The following TTC34 variants were observed in gnomAD, a reference collection of about 807,000 sequenced individuals.
The protein encoded by TTC34 is tetratricopeptide repeat domain 34.
A neutral mutation model predicts 40.7 loss-of-function variants in TTC34; 44 were observed. The observed-to-expected ratio is 1.08, with a 90% CI of 0.85 to 1.39. The LOEUF (loss-of-function observed/expected upper bound fraction) is 1.39, where lower values mean the gene tolerates loss of function less well. Ranked by LOEUF, TTC34 falls within the 40% of genes most tolerant of loss-of-function variation. The pLI, the probability that TTC34 is intolerant of heterozygous loss-of-function variation, is 0.00. For synonymous variants in TTC34, 422 were observed against 398.6 expected (o/e 1.06, Z -0.70); for missense variants, 884 against 838.0 (o/e 1.05, Z -0.68).
At chr1:2,789,910 C>T in exon 3 of TTC34, 1 of 396,844 alleles carries the variant, frequency 2.5e-6, no homozygotes, top group Admixed American at 4.4e-5. Flanking sequence ...CACGGTCCCC[C>T]GCAGGGTCCT....
chr1:2,656,342 G>T lies in TTC34; in HGVS notation c.2227-10779C>A, dbSNP rs1447615080. ...CATGCAACAGCACTCACACCCCCAG[G>T]TGAGCATCTGACAGCCTGGAACAGC... On this transcript the variant is annotated intron_variant, in intron 6 of 8. Coordinates refer to ENST00000401095, the Ensembl canonical transcript of TTC34. Among the ~76,000 whole-genome samples, 17 of 143,196 alleles carry T rather than the reference G, an allele frequency of 1.2e-4. No individual in the cohort carries two copies. In the South Asian group the frequency reaches 2.8e-3, roughly 23 times the overall value. 93.9% of individuals were successfully genotyped at this position (143,196 alleles called of 152,430 possible). A position where few individuals can be genotyped will look rare whatever the true frequency, so the allele number is the denominator to read the frequency against.
At chr1:2,799,043 CAGCCTCCCAGCCTCTCAGCCTCCA>C (rs1466344620) in intron 2 of TTC34, among the ~76,000 whole-genome samples, 2 of 150,098 alleles carry the variant, frequency 1.3e-5, no homozygotes, top group African/African-American at 2.5e-5. Context: ...CCTAGCCTCC[CAGCCTCCCAGCCTCTCAGCCTCCA>C]AGCCTCCCAG....
At chr1:2,685,828 G>T (rs28555663) in intron 6 of TTC34, among the ~76,000 whole-genome samples, 45,131 of 117,546 alleles carry the variant, frequency 0.38, 5,449 homozygotes, top group Middle Eastern at 0.55. Flanking sequence ...AGACTGGAAC[G>T]GCACCCCCAT....
rs543608310 is a variant in TTC34 at position 2,686,544 on chromosome 1, C to G, written c.2227-40981G>C. ...CACCCCCAGGGGAGCATCTGACAGC[C>G]TGGAACAGCACGCACACACCCAGGT... On this transcript the variant is annotated intron_variant, in intron 6 of 8. Transcript: ENST00000401095. 5.6e-4 allele frequency among the ~76,000 whole-genome samples: 42 copies of G among 75,530 alleles called. 3 individuals are homozygous for G. Among genetic ancestry groups the G allele is most frequent in the African/African-American group, 2.2e-3 (40 of 18,000 alleles). The allele number at this position is 75,530 out of a possible 152,430, so 49.6% of individuals were successfully genotyped here.
rs769709808 is a variant in TTC34 at position 2,641,432 on chromosome 1, C to T, written c.3176G>A (p.Arg1059His). ...TCTGGCCTTCAGTCTCTTCAGGCCA[C>T]GGTGGTCGGGGTCCACCAGGAGGCC... The change falls in exon 9 of 9, where the codon CGT (arginine) becomes CAT (histidine). Residue 1059 changes from arginine to histidine, a missense_variant. Coordinates refer to ENST00000401095, the Ensembl canonical transcript of TTC34. 641 of 1,534,972 alleles carry T rather than the reference C, an allele frequency of 4.2e-4. No homozygotes were observed. Among genetic ancestry groups the T allele is most frequent in the Non-Finnish European group, 5.0e-4 (573 of 1,146,302 alleles).
intron 6 of TTC34, among the ~76,000 whole-genome samples, chr1:2,749,037 C>G (rs1324203063): frequency 1.7e-3 from 72 of 41,256 alleles, no homozygotes; most frequent in Admixed American, 2.8e-3. Flanking sequence ...GAACAGCACC[C>G]ACACCCCCAG....
At chr1:2,799,424 T>A (rs751538487) in intron 2 of TTC34, among the ~76,000 whole-genome samples, 8 of 152,068 alleles carry the variant, frequency 5.3e-5, no homozygotes, top group Admixed American at 6.5e-5. Flanking sequence ...GTGCCTGTAA[T>A]CCCAGTTACT....
intron 6 of TTC34, 59 bp downstream of exon 6, chr1:2,783,550 C>A (rs1569954786): frequency 2.3e-6 from 3 of 1,309,736 alleles, no homozygotes; most frequent in Admixed American, 6.9e-5. Context: ...TGGAGGAAGG[C>A]AGCTCCCTGG....
chr1:2,659,768 T>TGG (rs2100252394), intron 6 of TTC34, among the ~76,000 whole-genome samples: 1 of 13,348 alleles, frequency 7.5e-5, no homozygotes, highest in African/African-American at 2.5e-4. Context: ...GCATCTGAAA[T>TGG]CCTGGAGCTG....
At chr1:2,683,380 C>A (rs1640165996) in intron 6 of TTC34, among the ~76,000 whole-genome samples, 16 of 136,238 alleles carry the variant, frequency 1.2e-4, no homozygotes, top group Admixed American at 1.2e-3. Context: ...TGGCTTGGAA[C>A]AGCACCCACA....
chr1:2,644,565 C>T (rs1638981079), intron 7 of TTC34, 87 bp from the exon 8 acceptor site: 1 of 1,360,258 alleles, frequency 7.4e-7, no homozygotes, highest in South Asian at 1.4e-5. Flanking sequence ...TCCTTCCCTG[C>T]CCTGTGCTGG....
Position 2,645,340 on chromosome 1 carries a change from C to T in TTC34, c.2450G>A (p.Gly817Glu), listed in dbSNP as rs180777014. 4.6e-6 allele frequency: 7 copies of T among 1,525,644 alleles called. No homozygotes were observed. Among genetic ancestry groups the T allele is most frequent in the Non-Finnish European group, 5.3e-6 (6 of 1,140,168 alleles). The allele number at this position is 1,525,644 out of a possible 1,614,324, so 94.5% of individuals were successfully genotyped here. A position where few individuals can be genotyped will look rare whatever the true frequency, so the allele number is the denominator to read the frequency against. Residue 817 changes from glycine to glutamate, a missense_variant, in exon 7 of 9, where the codon GGG becomes GAG. Physicochemically the swap from Gly to Glu is moderately conservative, Grantham distance 98. Coordinates refer to ENST00000401095, the Ensembl canonical transcript of TTC34. This position sits in a 1 kb window ranked among gnomAD's most constrained non-coding sequence, Gnocchi z 4.7. The stretch of plus-strand genomic sequence containing the variant: ...CAGGAGGAGGTGCCAGTGCGGTTGC[C>T]CTGAGTCGATTTTGATCAGCGCCTC...
intron 6 of TTC34, among the ~76,000 whole-genome samples, chr1:2,773,012 C>A: frequency 6.6e-6 from 1 of 151,960 alleles, no homozygotes; most frequent in Admixed American, 6.5e-5. Flanking sequence ...GGAGCAGCAC[C>A]CACACCCCCA....
chr1:2,760,266 G>C, intron 6 of TTC34, among the ~76,000 whole-genome samples: 1 of 73,284 alleles, frequency 1.4e-5, no homozygotes, highest in Non-Finnish European at 2.4e-5. Context: ...CTGACCGCAT[G>C]GAGCAGCAGC....
At chr1:2,694,818 A>C (rs369264487) in intron 6 of TTC34, among the ~76,000 whole-genome samples, 2 of 68,634 alleles carry the variant, frequency 2.9e-5, no homozygotes, top group East Asian at 7.0e-4. Flanking sequence ...GACAGCCTGG[A>C]ACGACACCCA....
chr1:2,653,990 G>A (rs1224972522), intron 6 of TTC34, among the ~76,000 whole-genome samples: 3 of 151,250 alleles, frequency 2.0e-5, no homozygotes, highest in African/African-American at 7.3e-5. Context: ...GCATCGGAGA[G>A]TCTGGAGCAG....
intron 6 of TTC34, among the ~76,000 whole-genome samples, chr1:2,780,708 G>A (rs1020792356): frequency 8.5e-5 from 13 of 152,150 alleles, no homozygotes; most frequent in Admixed American, 7.2e-4. Context: ...CAGCTTGCTG[G>A]TTCTTTTTCA....
intron 6 of TTC34, among the ~76,000 whole-genome samples, chr1:2,682,106 C>T (rs1206111865): frequency 3.4e-5 from 4 of 116,220 alleles, no homozygotes; most frequent in African/African-American, 9.4e-5. Context: ...AGCACCCACA[C>T]CCCCAGGTGA....
chr1:2,695,737 C>G (rs1475805250), intron 6 of TTC34, among the ~76,000 whole-genome samples: 9 of 144,140 alleles, frequency 6.2e-5, no homozygotes, highest in South Asian at 2.3e-4. Flanking sequence ...CAGCTGAAAT[C>G]CTGGAACAGC....
Sources: gnomAD v4.1 joint callset for allele counts (sites outside exome capture counted in the v4.1 genomes callset) on GRCh38, gnomAD v4.1.1 for gene constraint, Gnocchi (gnomAD v3.1) non-coding constraint, MANE v1.5 for transcripts, NCBI Gene and HGNC (gene_info 2026-07-23, HGNC 2026-07-21) for gene names.